The following DOCK1 variants were observed in gnomAD, a reference collection of about 807,000 sequenced individuals.
DOCK1 encodes the protein dedicator of cytokinesis 1.
In DOCK1, 138 loss-of-function variants were observed where a neutral mutation model predicts 262.7. The ratio of observed to expected loss-of-function variants is 0.53; its 90% CI spans 0.46 to 0.61. The LOEUF is 0.61. DOCK1 is among the 20% of genes least tolerant of loss of function. The pLI is 0.00. For missense variants in DOCK1, 1,908 were observed against 2,370.7 expected (o/e 0.80, Z 4.05); for synonymous variants, 866 against 867.4 (o/e 1.00, Z 0.03).
intron 29 of DOCK1, among the ~76,000 whole-genome samples, chr10:127,321,901 A>G (rs374045895): frequency 6.6e-6 from 1 of 152,004 alleles, no homozygotes; most frequent in African/African-American, 2.4e-5. Context: ...TCAGGGGTAC[A>G]AGACCATCCT....
chr10:127,360,839 T>C (rs1565023852), intron 32 of DOCK1, among the ~76,000 whole-genome samples: 1 of 152,178 alleles, frequency 6.6e-6, no homozygotes, highest in African/African-American at 2.4e-5. Flanking sequence ...TCTCCACTTC[T>C]CTGAACAGCT....
rs539161860 is a variant in DOCK1 at position 127,296,674 on chromosome 10, C to T, written c.3044+39245C>T. ...CCTCAGGGCTGAGCTTCTAAACATA[C>T]CTGGTCTAGTGGGTTGCACAGCTGA... is the stretch of plus-strand genomic sequence containing the variant. On this transcript the variant is annotated intron_variant, in intron 29 of 51. Transcript: ENST00000623213. 2.0e-5 allele frequency among the ~76,000 whole-genome samples: 3 copies of T among 152,288 alleles called. No homozygotes were observed. In the East Asian group the frequency reaches 5.8e-4, roughly 29 times the overall value.
At position 126,995,290 on chromosome 10, in the gene DOCK1, G is replaced by A. The variant is rs1227503017; in HGVS notation, c.474-1458G>A. On this transcript the variant is annotated intron_variant, in intron 6 of 51. Transcript: ENST00000623213. The surrounding 1 kb of genome is among the most constrained non-coding windows in gnomAD (Gnocchi z 5.8). ...GGCACTTTGGGAGGCCAAGGCAGGTGGCTGGGAGGTGGAGGTTGTAGCGAG... is the reference window on the plus strand; with the variant it reads ...GGCACTTTGGGAGGCCAAGGCAGGTAGCTGGGAGGTGGAGGTTGTAGCGAG... Among the ~76,000 whole-genome samples the A allele has an allele frequency of 1.3e-5, 2 of 152,186 alleles. No homozygotes were observed. Among genetic ancestry groups the A allele is most frequent in the African/African-American group, 4.8e-5 (2 of 41,430 alleles).
chr10:127,336,714 T>C (rs2063211691), intron 29 of DOCK1, among the ~76,000 whole-genome samples: 2 of 152,094 alleles, frequency 1.3e-5, no homozygotes, highest in Non-Finnish European at 2.9e-5. Flanking sequence ...TAATTTTTTG[T>C]ATTTTTAGTA....
At chr10:127,394,837 G>A (rs956663902) in intron 38 of DOCK1, among the ~76,000 whole-genome samples, 1 of 152,108 alleles carries the variant, frequency 6.6e-6, no homozygotes, top group Non-Finnish European at 1.5e-5. Context: ...CCACCTCGAG[G>A]CGATTCTAGC....
At chr10:127,230,005 T>C (rs2058782717) in intron 27 of DOCK1, among the ~76,000 whole-genome samples, 1 of 152,224 alleles carries the variant, frequency 6.6e-6, no homozygotes, top group Non-Finnish European at 1.5e-5. Flanking sequence ...TTTTCATACA[T>C]ATGTTGGCCA....
chr10:127,365,392 A>T (rs547152430), intron 33 of DOCK1, among the ~76,000 whole-genome samples: 76 of 152,362 alleles, frequency 5.0e-4, no homozygotes, highest in African/African-American at 1.8e-3. Context: ...CTGGCACTAT[A>T]TCATGGCCCC....
At chr10:127,451,107 C>A (rs4750887) in intron 51 of DOCK1, among the ~76,000 whole-genome samples, 4,578 of 152,170 alleles carry the variant, frequency 0.03, 107 homozygotes, top group Non-Finnish European at 0.047. Context: ...GCTGTGCAGA[C>A]GGTGGGAGAG....
In DOCK1 at chr10:127,018,961, C is replaced by T. The variant is rs144540735; in HGVS notation, c.1327+126C>T. 138 of 1,386,700 alleles carry T rather than the reference C, an allele frequency of 1.0e-4. 1 individual carries two copies. The African/African-American group carries it at 1.2e-3, about 12-fold the overall frequency. The allele number at this position is 1,386,700 out of a possible 1,614,324, so 85.9% of individuals were successfully genotyped here. ...AGGGCTCAGCTCCTGGTAGGTGACCCTGTAAGCCCCAGCATGGTTATGGAT... is the reference window on the plus strand; with the variant it reads ...AGGGCTCAGCTCCTGGTAGGTGACCTTGTAAGCCCCAGCATGGTTATGGAT... On this transcript the variant is annotated intron_variant, in intron 13 of 51. Coordinates refer to ENST00000623213, the MANE Select transcript of DOCK1 (RefSeq NM_001290223.2).
At chr10:126,932,685 G>C (rs1417608879) in intron 1 of DOCK1, among the ~76,000 whole-genome samples, 1 of 152,136 alleles carries the variant, frequency 6.6e-6, no homozygotes, top group Non-Finnish European at 1.5e-5. Context: ...GGTAGGTAAG[G>C]GGTGGACCGT....
At chr10:126,977,812 A>G (rs1455123961) in intron 2 of DOCK1, 136 bp from the exon 3 acceptor site, 4 of 830,822 alleles carry the variant, frequency 4.8e-6, no homozygotes, top group Middle Eastern at 2.3e-4. Flanking sequence ...CCAAAGCCTT[A>G]GGTTCACTGA....
chr10:127,172,576 G>T (rs892307288), intron 27 of DOCK1, among the ~76,000 whole-genome samples: 3 of 152,164 alleles, frequency 2.0e-5, no homozygotes, highest in Non-Finnish European at 2.9e-5. Context: ...GAGCAAGAGG[G>T]GGCCCCATAA....
intron 1 of DOCK1, among the ~76,000 whole-genome samples, chr10:126,939,230 A>T (rs1010799169): frequency 0.08 from 12,191 of 152,190 alleles, 593 homozygotes; most frequent in African/African-American, 0.13. Flanking sequence ...TGAAGGTTTC[A>T]TCCTCCTGAT....
intron 21 of DOCK1, among the ~76,000 whole-genome samples, chr10:127,050,540 G>A: frequency 9.5e-6 from 1 of 105,228 alleles, no homozygotes; most frequent in South Asian, 4.5e-4. Flanking sequence ...GTGAAACCCT[G>A]TCTCTACTAA....
At chr10:126,958,460 G>T (rs906456862) in intron 1 of DOCK1, among the ~76,000 whole-genome samples, 23 of 152,138 alleles carry the variant, frequency 1.5e-4, no homozygotes, top group African/African-American at 5.3e-4. Flanking sequence ...ACCAGAGCAG[G>T]GACTCTGTTT....
Position 127,176,065 on chromosome 10 carries a change from G to A in DOCK1, c.2847+48301G>A, listed in dbSNP as rs1186765008. ...GGGAACGTCTGGTAACACTTCTTAA[G>A]GTCGGGCGAGGTCTGCACGCCTGTG... On this transcript the variant is annotated intron_variant, in intron 27 of 51. Coordinates refer to ENST00000623213, the MANE Select transcript of DOCK1 (RefSeq NM_001290223.2). The surrounding 1 kb of genome is among the most constrained non-coding windows in gnomAD (Gnocchi z 4.4). 1.2e-6 allele frequency: 2 copies of A among 1,614,120 alleles called. No individual in the cohort carries two copies. The highest frequency in any genetic ancestry group is 2.7e-5 in the African/African-American group (2 of 75,014).
chr10:126,946,121 A>C (rs1188284841), intron 1 of DOCK1, among the ~76,000 whole-genome samples: 2 of 152,148 alleles, frequency 1.3e-5, no homozygotes, highest in African/African-American at 4.8e-5. Flanking sequence ...AATATATATA[A>C]CATAGAATTT....
intron 16 of DOCK1, among the ~76,000 whole-genome samples, chr10:127,028,592 T>TG (rs2043036454): frequency 1.3e-5 from 2 of 152,152 alleles, no homozygotes; most frequent in Non-Finnish European, 2.9e-5. Flanking sequence ...TCCAATGCCT[T>TG]GGGGGAGTGG....
At chr10:126,953,047 T>G (rs2036445623) in intron 1 of DOCK1, among the ~76,000 whole-genome samples, 1 of 149,950 alleles carries the variant, frequency 6.7e-6, no homozygotes, top group Admixed American at 6.6e-5. Context: ...TGGTAGTATT[T>G]TTGGTAGTGG....
Sources: allele counts gnomAD v4.1 joint callset (sites outside exome capture counted in the v4.1 genomes callset), GRCh38; gene constraint gnomAD v4.1.1; non-coding constraint Gnocchi (gnomAD v3.1); transcripts MANE v1.5; gene names NCBI Gene and HGNC (gene_info 2026-07-23, HGNC 2026-07-21).